Variants in FHIT observed in about 807,000 individuals in gnomAD.
The protein encoded by FHIT is bis(5'-adenosyl)-triphosphatase.
A neutral mutation model predicts 17.9 loss-of-function variants in FHIT; 19 were observed. The ratio of observed to expected loss-of-function variants is 1.06; its 90% CI spans 0.74 to 1.56. FHIT has a LOEUF of 1.56. Ranked by LOEUF, FHIT falls within the 40% of genes most tolerant of loss-of-function variation. The probability of loss-of-function intolerance (pLI) is 0.00; values close to 1 mark genes in which losing one functional copy is unlikely to be tolerated. For synonymous variants in FHIT, 81 were observed against 69.7 expected, an observed-to-expected ratio of 1.16 and a Z score of -0.81; for missense variants, 248 against 189.2, an observed-to-expected ratio of 1.31 and a Z score of -1.82.
intron 3 of FHIT, among the ~76,000 whole-genome samples, chr3:60,952,175 C>T (rs1450583827): frequency 1.4e-5 from 2 of 138,144 alleles, no homozygotes; most frequent in African/African-American, 5.8e-5. Context: ...CCCCACCCCC[C>T]CCCCAAAAAA....
At chr3:61,138,029 C>A (rs189568451) in intron 2 of FHIT, among the ~76,000 whole-genome samples, 1 of 152,174 alleles carries the variant, frequency 6.6e-6, no homozygotes, top group African/African-American at 2.4e-5. Context: ...AACTATATGA[C>A]CTTGGATAAA....
intron 5 of FHIT, among the ~76,000 whole-genome samples, chr3:60,500,642 G>A (rs931904065): frequency 6.4e-4 from 97 of 151,786 alleles, no homozygotes; most frequent in African/African-American, 2.2e-3. Flanking sequence ...GTGTGGTGGT[G>A]CACCCCTGTA....
intron 1 of FHIT, among the ~76,000 whole-genome samples, chr3:61,210,686 T>A (rs1394033565): frequency 6.6e-6 from 1 of 152,122 alleles, no homozygotes; most frequent in Admixed American, 6.5e-5. Flanking sequence ...GTGACCTGAT[T>A]TTCCAGGTGC....
intron 5 of FHIT, chr3:60,535,730 A>T (rs2035958279): frequency 6.6e-6 from 1 of 151,914 alleles, no homozygotes; most frequent in Non-Finnish European, 1.5e-5. Context: ...AATTTATTTG[A>T]CTAGAATTTG....
chr3:60,775,796 C>T (rs1553724330), intron 4 of FHIT, among the ~76,000 whole-genome samples: 3 of 152,164 alleles, frequency 2.0e-5, no homozygotes. Flanking sequence ...GGGGCTGGGA[C>T]ACATGGCCTA....
At position 59,940,964 on chromosome 3, in the gene FHIT, T is replaced by C. The variant is rs145329629; in HGVS notation, c.280-18550A>G. On this transcript the variant is annotated intron_variant, in intron 7 of 9. Coordinates refer to ENST00000492590, the MANE Select transcript of FHIT (RefSeq NM_002012.4). ...GTCCTATCTCAAATTAAAATCTGCATTTATTCACTTTTTCATTTTTTGTTC... is the reference window on the plus strand; with the variant it reads ...GTCCTATCTCAAATTAAAATCTGCACTTATTCACTTTTTCATTTTTTGTTC... Among the ~76,000 whole-genome samples, 39 of 152,288 alleles carry C rather than the reference T, an allele frequency of 2.6e-4. No individual in the cohort carries two copies. In the East Asian group the frequency reaches 6.8e-3, roughly 26 times the overall value.
chr3:60,056,804 T>C (rs1242343643), intron 5 of FHIT, among the ~76,000 whole-genome samples: 1 of 152,214 alleles, frequency 6.6e-6, no homozygotes, highest in Non-Finnish European at 1.5e-5. Context: ...GCCAATACTT[T>C]TATCCTAGAT....
intron 8 of FHIT, among the ~76,000 whole-genome samples, chr3:59,821,248 A>AAGGAGCAATCAGAAG (rs1700776365): frequency 6.6e-6 from 1 of 152,200 alleles, no homozygotes; most frequent in Admixed American, 6.5e-5. Context: ...TAAACCTGAG[A>AAGGAGCAATCAGAAG]AGGAGCAATC....
chr3:60,976,398 C>T (rs1184338861), intron 3 of FHIT, among the ~76,000 whole-genome samples: 1 of 152,094 alleles, frequency 6.6e-6, no homozygotes, highest in Non-Finnish European at 1.5e-5. Context: ...TGAGCCACCA[C>T]ACCCGGCCTC....
chr3:60,424,546 G>C (rs996328737), intron 5 of FHIT, among the ~76,000 whole-genome samples: 1 of 152,028 alleles, frequency 6.6e-6, no homozygotes, highest in Non-Finnish European at 1.5e-5. Flanking sequence ...ACAATCTCTT[G>C]TGCTCTGATG....
At chr3:60,706,896 GTGGCACTTACA>G (rs2041387046) in intron 4 of FHIT, among the ~76,000 whole-genome samples, 1 of 152,178 alleles carries the variant, frequency 6.6e-6, no homozygotes, top group Non-Finnish European at 1.5e-5. Context: ...TTATACAATT[GTGGCACTTACA>G]TCTTTTCTCA....
chr3:60,206,128 G>A (rs1374687755), intron 5 of FHIT, among the ~76,000 whole-genome samples: 4 of 122,944 alleles, frequency 3.3e-5, no homozygotes, highest in Admixed American at 8.5e-5. Flanking sequence ...GCGAGACTCC[G>A]TCTCAAAAAA....
chr3:59,841,460 G>T (rs1310506235), intron 8 of FHIT, among the ~76,000 whole-genome samples: 1 of 152,168 alleles, frequency 6.6e-6, no homozygotes, highest in Non-Finnish European at 1.5e-5. Flanking sequence ...AGTGAGGCAG[G>T]TGTGACAAGA....
At position 60,713,725 on chromosome 3, in the gene FHIT, G is replaced by A. The variant is rs535447700; in HGVS notation, c.-18+108194C>T. 1.1e-4 allele frequency among the ~76,000 whole-genome samples: 17 copies of A among 152,022 alleles called. No individual in the cohort carries two copies. In the South Asian group the frequency reaches 3.3e-3, roughly 30 times the overall value. ...CACATACACTCTCCCAAGACTAAAC[G>A]AAACGAGGAAGAAGTTGAATCTCTG... On this transcript the variant is annotated intron_variant, in intron 4 of 9. Coordinates refer to ENST00000492590, the MANE Select transcript of FHIT (RefSeq NM_002012.4).
chr3:60,683,370 T>C (rs1025352204), intron 4 of FHIT, among the ~76,000 whole-genome samples: 6 of 152,128 alleles, frequency 3.9e-5, no homozygotes, highest in African/African-American at 7.2e-5. Context: ...CTTTAACAAA[T>C]TGCCACAGCC....
intron 3 of FHIT, among the ~76,000 whole-genome samples, chr3:60,952,583 T>A (rs1375019932): frequency 1.3e-5 from 2 of 152,140 alleles, no homozygotes; most frequent in Admixed American, 6.6e-5. Context: ...CACTTTAGCC[T>A]AAGGATTATG....
chr3:61,069,548 CTAGGTATTGT>C (rs2034731305), intron 2 of FHIT, among the ~76,000 whole-genome samples: 1 of 152,110 alleles, frequency 6.6e-6, no homozygotes, highest in Non-Finnish European at 1.5e-5. Context: ...AGTCAGTAAA[CTAGGTATTGT>C]TCTCTGTATT....
chr3:60,194,679 T>C (rs1261503334), intron 5 of FHIT, among the ~76,000 whole-genome samples: 1 of 152,154 alleles, frequency 6.6e-6, no homozygotes, highest in Non-Finnish European at 1.5e-5. Context: ...TTGCAAACTA[T>C]GCATCTGACA....
chr3:60,555,787 G>A (rs576159511), intron 4 of FHIT, among the ~76,000 whole-genome samples: 56 of 152,346 alleles, frequency 3.7e-4, no homozygotes, highest in Non-Finnish European at 6.6e-4. Flanking sequence ...ACACTAACAA[G>A]CTAGCAGACT....
Sources: allele counts gnomAD v4.1 joint callset (sites outside exome capture counted in the v4.1 genomes callset), GRCh38; gene constraint gnomAD v4.1.1; transcripts MANE v1.5; gene names NCBI Gene and HGNC (gene_info 2026-07-23, HGNC 2026-07-21).